NIPBL: variants seen among roughly 807,000 people sequenced by gnomAD.
NIPBL encodes nipped-B-like protein.
NIPBL carries 19 observed loss-of-function variants against 321.8 expected under a neutral mutation model. The observed-to-expected ratio is 0.06, with a 90% confidence interval of 0.04 to 0.09. The LOEUF is 0.09. Among genes scored for constraint, NIPBL ranks in the 10% least tolerant of loss-of-function variants. The pLI, the probability that NIPBL is intolerant of heterozygous loss-of-function variation, is 1.00. For synonymous variants in NIPBL, 1,106 were observed against 1,114.1 expected, an observed-to-expected ratio of 0.99 and a Z score of 0.14; for missense variants, 2,210 against 3,327.0, an observed-to-expected ratio of 0.66 and a Z score of 8.26.
chr5:36,883,372 A>G (rs1745646829), intron 1 of NIPBL, among the ~76,000 whole-genome samples: 1 of 151,838 alleles, frequency 6.6e-6, no homozygotes, highest in Admixed American at 6.6e-5. Flanking sequence ...ATAATTATAT[A>G]TATACTTTTG....
In NIPBL at chr5:36,877,198, TTCG is replaced by T; in HGVS notation, c.-80+21_-80+23del. 4.8e-6 allele frequency: 1 copy of T among 207,328 alleles called. No homozygotes were observed. Among genetic ancestry groups the T allele is most frequent in the East Asian group, 1.1e-4 (1 of 9,080 alleles). The allele number at this position is 207,328 out of a possible 1,614,324, so 12.8% of individuals were successfully genotyped here. Reference sequence around the variant, plus strand: ...GCCCAGGTAAATTCCTGCTCTTTATTTCGGCGGCGGCGGCGGCGGCGCCGGCGC... The same window carrying T: ...GCCCAGGTAAATTCCTGCTCTTTATTGCGGCGGCGGCGGCGGCGCCGGCGC... On this transcript the variant is annotated intron_variant, in intron 1 of 46. Coordinates refer to ENST00000282516, the MANE Select transcript of NIPBL (RefSeq NM_133433.4).
At chr5:37,048,436 T>C (rs1295533116) in intron 38 of NIPBL, 66 bp from the exon 39 acceptor site, 30 of 957,272 alleles carry the variant, frequency 3.1e-5, no homozygotes, top group Non-Finnish European at 4.1e-5. Context: ...TTTATTAACA[T>C]ATTTATTAAA....
At chr5:36,944,738 TA>T (rs995038691) in intron 1 of NIPBL, among the ~76,000 whole-genome samples, 8 of 148,250 alleles carry the variant, frequency 5.4e-5, no homozygotes, top group South Asian at 2.1e-4. Context: ...GATGTGCTAG[TA>T]AAAAAAAAAC....
At chr5:37,034,639 C>A (rs2149715629) in intron 32 of NIPBL, among the ~76,000 whole-genome samples, 1 of 152,204 alleles carries the variant, frequency 6.6e-6, no homozygotes, top group East Asian at 1.9e-4. Context: ...AGTATACTAC[C>A]TTTTTAGAAA....
intron 10 of NIPBL, among the ~76,000 whole-genome samples, chr5:36,992,707 G>A (rs965837355): frequency 5.1e-5 from 7 of 136,644 alleles, no homozygotes; most frequent in Non-Finnish European, 1.6e-5. Context: ...GGAAAGTCAT[G>A]CATTTTATTT....
intron 1 of NIPBL, among the ~76,000 whole-genome samples, chr5:36,935,801 T>C (rs1331148893): frequency 2.0e-5 from 3 of 152,098 alleles, no homozygotes; most frequent in African/African-American, 7.2e-5. Context: ...GAGTCTTTCC[T>C]TGCCTCTTCC....
intron 17 of NIPBL, among the ~76,000 whole-genome samples, 158 bp downstream of exon 17, chr5:37,006,746 T>C (rs1231892858): frequency 6.6e-6 from 1 of 152,038 alleles, no homozygotes; most frequent in African/African-American, 2.4e-5. Flanking sequence ...TGTTCAATTA[T>C]AATTTCTTTA....
Position 37,064,924 on chromosome 5 carries a change from A to G in NIPBL, c.*32A>G, listed in dbSNP as rs758539444. The stretch of plus-strand genomic sequence containing the variant: ...TGTACATGCAGCCAAATTTACAGGA[A>G]TTTTTTTAAAAGGCAGAAAAACTTG... On this transcript the variant is annotated 3_prime_UTR_variant, in exon 47 of 47. Transcript: ENST00000282516. 1.9e-6 allele frequency: 3 copies of G among 1,613,780 alleles called. No homozygotes were observed.
chr5:36,876,800 A>G lies in NIPBL; in HGVS notation c.-458A>G. 3 of 397,176 alleles carry G rather than the reference A, an allele frequency of 7.6e-6. No individual in the cohort carries two copies. The allele number at this position is 397,176 out of a possible 1,614,324, so 24.6% of individuals were successfully genotyped here. A position where few individuals can be genotyped will look rare whatever the true frequency, so the allele number is the denominator to read the frequency against. On this transcript the variant is annotated 5_prime_UTR_variant, in exon 1 of 47. Transcript: ENST00000282516. ...TTCTGAGAGGGAGAGACGGAACGAG[A>G]GAGAGACACACACAGGGCTCCTTCC...
intron 16 of NIPBL, among the ~76,000 whole-genome samples, chr5:37,004,800 C>T (rs1462350174): frequency 2.6e-5 from 4 of 152,160 alleles, no homozygotes; most frequent in Non-Finnish European, 5.9e-5. Context: ...AAGCTATATT[C>T]TAATCCAGCA....
At chr5:36,913,599 C>A (rs116529785) in intron 1 of NIPBL, among the ~76,000 whole-genome samples, 3,030 of 152,128 alleles carry the variant, frequency 0.02, 84 homozygotes, top group African/African-American at 0.062. Flanking sequence ...TCTTGAACTC[C>A]TGGGCTCAAG....
In NIPBL at chr5:36,941,341, A is replaced by C. The variant is rs73093847; in HGVS notation, c.-79-12277A>C. Among the ~76,000 whole-genome samples, 1,061 of 152,078 alleles carry C rather than the reference A, an allele frequency of 7.0e-3. 14 individuals are homozygous for C. Among genetic ancestry groups the C allele is most frequent in the African/African-American group, 0.024 (1,001 of 41,502 alleles). ...TATATCCCTCTTTTCTATACCCCCC[A>C]ATTTTACTTCACTTTCTTAAACAAC... is the stretch of plus-strand genomic sequence containing the variant. On this transcript the variant is annotated intron_variant, in intron 1 of 46. Coordinates refer to ENST00000282516, the MANE Select transcript of NIPBL (RefSeq NM_133433.4).
At chr5:36,979,412 A>G (rs1357293709) in intron 9 of NIPBL, among the ~76,000 whole-genome samples, 1 of 151,920 alleles carries the variant, frequency 6.6e-6, no homozygotes, top group Non-Finnish European at 1.5e-5. Flanking sequence ...GTGTATAGAC[A>G]TGCTACTGAT....
At chr5:36,958,705 G>T (rs1274442290) in intron 4 of NIPBL, among the ~76,000 whole-genome samples, 1 of 151,882 alleles carries the variant, frequency 6.6e-6, no homozygotes, top group East Asian at 1.9e-4. Flanking sequence ...TTGATTCATG[G>T]TATTATAAAA....
intron 11 of NIPBL, among the ~76,000 whole-genome samples, chr5:36,997,884 GA>G (rs1432848633): frequency 2.6e-5 from 4 of 151,530 alleles, no homozygotes; most frequent in Admixed American, 6.6e-5. Flanking sequence ...CTGAGAGAGA[GA>G]AAAAAAAATT....
chr5:36,984,287 G>C (rs1744489041), intron 9 of NIPBL, among the ~76,000 whole-genome samples: 1 of 151,978 alleles, frequency 6.6e-6, no homozygotes, highest in South Asian at 2.1e-4. Context: ...TAACCTGAGT[G>C]AGACTTTATG....
At chr5:36,951,983 G>C (rs1310948045) in intron 1 of NIPBL, among the ~76,000 whole-genome samples, 1 of 147,752 alleles carries the variant, frequency 6.8e-6, no homozygotes, top group Non-Finnish European at 1.5e-5. Context: ...TTTGGATGAT[G>C]ATTCTATGGA....
At chr5:36,880,412 A>T (rs1053169595) in intron 1 of NIPBL, among the ~76,000 whole-genome samples, 1 of 152,006 alleles carries the variant, frequency 6.6e-6, no homozygotes, top group Non-Finnish European at 1.5e-5. Flanking sequence ...TCTGGTGCTT[A>T]TTAGGAAAAG....
Position 36,971,930 on chromosome 5 carries a change from A to G in NIPBL, c.772-15A>G, listed in dbSNP as rs750878133. The G allele has an allele frequency of 6.2e-7, 1 of 1,604,060 alleles. No homozygotes were observed. ...TCCTGTCATTCAAAAGATAAATTGT[A>G]TACTCTATTTTTAGGATGGAGATTC... On this transcript the variant is annotated splice_polypyrimidine_tract_variant and intron_variant, in intron 7 of 46. Transcript: ENST00000282516.
Sources: allele counts gnomAD v4.1 joint callset (sites outside exome capture counted in the v4.1 genomes callset), GRCh38; gene constraint gnomAD v4.1.1; transcripts MANE v1.5; gene names NCBI Gene and HGNC (gene_info 2026-07-23, HGNC 2026-07-21).